CNTNAP2: variants seen among roughly 807,000 people sequenced by gnomAD.
CNTNAP2 encodes contactin associated protein 2, also known as contactin-associated protein-like 2.
In CNTNAP2, 98 loss-of-function variants were observed where a neutral mutation model predicts 155.2. That is an observed-to-expected ratio of 0.63 (90% CI 0.54 to 0.75). CNTNAP2 has a LOEUF of 0.75. CNTNAP2 is among the 30% of genes least tolerant of loss of function. The pLI, the probability that CNTNAP2 is intolerant of heterozygous loss-of-function variation, is 0.00. For synonymous variants in CNTNAP2, 651 were observed against 631.2 expected (o/e 1.03, Z -0.47); for missense variants, 1,727 against 1,688.1 (o/e 1.02, Z -0.40).
chr7:148,256,805 G>A (rs1268391100), intron 20 of CNTNAP2, among the ~76,000 whole-genome samples: 2 of 152,138 alleles, frequency 1.3e-5, no homozygotes, highest in Non-Finnish European at 2.9e-5. Context: ...CGTAGGCTTA[G>A]GTAAAGGGGG....
Position 147,263,678 on chromosome 7 carries a change from C to G in CNTNAP2, c.1349-36463C>G, listed in dbSNP as rs559532002. Among the ~76,000 whole-genome samples, 22 of 152,268 alleles carry G rather than the reference C, an allele frequency of 1.4e-4. No individual in the cohort carries two copies. In the South Asian group the frequency reaches 3.9e-3, roughly 27 times the overall value. On this transcript the variant is annotated intron_variant, in intron 8 of 23. Transcript: ENST00000361727. Reference sequence around the variant, plus strand: ...TTTTATCTCTTACATACTGTGTTCTCTACCCGGAAGGAGTGAAGCAGACTG... The same window carrying G: ...TTTTATCTCTTACATACTGTGTTCTGTACCCGGAAGGAGTGAAGCAGACTG...
chr7:146,341,765 G>A (rs1178848393), intron 1 of CNTNAP2, among the ~76,000 whole-genome samples: 1 of 151,998 alleles, frequency 6.6e-6, no homozygotes, highest in Non-Finnish European at 1.5e-5. Flanking sequence ...ACAAAGACAG[G>A]TTGAAATGTT....
At chr7:147,894,957 CTTTCTTTCTTTTTTTTTTT>C (rs1179928518) in intron 13 of CNTNAP2, among the ~76,000 whole-genome samples, 1 of 62,860 alleles carries the variant, frequency 1.6e-5, no homozygotes, top group African/African-American at 8.8e-5. Flanking sequence ...TTCTTTCTTT[CTTTCTTTCTTTTTTTTTTT>C]TTTTTTTTTT....
intron 8 of CNTNAP2, among the ~76,000 whole-genome samples, chr7:147,197,020 C>G (rs1281793371): frequency 6.6e-6 from 1 of 152,144 alleles, no homozygotes; most frequent in Non-Finnish European, 1.5e-5. Flanking sequence ...ACTTTCCACA[C>G]CTAAGTAACA....
At chr7:147,505,635 C>T (rs560071459) in intron 11 of CNTNAP2, among the ~76,000 whole-genome samples, 1 of 152,264 alleles carries the variant, frequency 6.6e-6, no homozygotes, top group East Asian at 1.9e-4. Flanking sequence ...TATCTGTTTT[C>T]TTAATTTTGC....
chr7:146,248,870 C>G (rs1799709822), intron 1 of CNTNAP2, among the ~76,000 whole-genome samples: 1 of 152,054 alleles, frequency 6.6e-6, no homozygotes, highest in Admixed American at 6.6e-5. Context: ...GCAATAAAAG[C>G]TTTTAATCAC....
At chr7:148,023,189 G>A (rs555047412) in intron 15 of CNTNAP2, among the ~76,000 whole-genome samples, 14 of 151,662 alleles carry the variant, frequency 9.2e-5, no homozygotes, top group Admixed American at 7.9e-4. Context: ...CTACCCAAAA[G>A]CAAAAAGGGG....
Position 148,118,220 on chromosome 7 carries a change from C to G in CNTNAP2, c.2486C>G (p.Thr829Arg). 2 of 1,614,182 alleles carry G rather than the reference C, an allele frequency of 1.2e-6. No homozygotes were observed. Among genetic ancestry groups the G allele is most frequent in the Non-Finnish European group, 1.7e-6 (2 of 1,180,018 alleles). Reference protein sequence around the residue: ...TSADISFYFKTLTPWGVFLEN... With the variant: ...TSADISFYFKRLTPWGVFLEN... ...GCTGACATTTCTTTCTACTTCAAAA[C>G]ATTAACCCCCTGGGGAGTGTTTCTT... is the stretch of plus-strand genomic sequence containing the variant. Residue 829 changes from threonine (T) to arginine (R), a missense_variant, in exon 16 of 24, where the codon ACA becomes AGA. By Grantham distance (71) the Thr-to-Arg change is moderately conservative. Coordinates refer to ENST00000361727, the MANE Select transcript of CNTNAP2 (RefSeq NM_014141.6).
At chr7:147,627,818 G>A (rs1022426937) in intron 12 of CNTNAP2, among the ~76,000 whole-genome samples, 2 of 151,296 alleles carry the variant, frequency 1.3e-5, no homozygotes, top group Admixed American at 6.6e-5. Flanking sequence ...ACACACTTAC[G>A]GAAATACAAA....
chr7:147,934,941 C>A (rs1401696874), intron 14 of CNTNAP2, among the ~76,000 whole-genome samples: 1 of 152,086 alleles, frequency 6.6e-6, no homozygotes, highest in Non-Finnish European at 1.5e-5. Context: ...CCCTCTTGTG[C>A]TACGTTTAAA....
chr7:146,142,909 A>T (rs1214551163), intron 1 of CNTNAP2, among the ~76,000 whole-genome samples: 1 of 152,252 alleles, frequency 6.6e-6, no homozygotes, highest in Non-Finnish European at 1.5e-5. Context: ...TTTAAAAAGA[A>T]GTCCAATGTC....
chr7:146,144,583 A>T (rs922387485), intron 1 of CNTNAP2, among the ~76,000 whole-genome samples: 1 of 152,192 alleles, frequency 6.6e-6, no homozygotes, highest in Non-Finnish European at 1.5e-5. Context: ...ACTCTAGCTT[A>T]CTTTGCTATT....
Position 146,818,804 on chromosome 7 carries a change from A to G in CNTNAP2, c.209-20907A>G, listed in dbSNP as rs190931183. Among the ~76,000 whole-genome samples, 305 of 152,298 alleles carry G rather than the reference A, an allele frequency of 2.0e-3. 3 individuals carry two copies. The highest frequency in any genetic ancestry group is 6.8e-3 in the Middle Eastern group (2 of 294). On this transcript the variant is annotated intron_variant, in intron 2 of 23. Transcript: ENST00000361727. ...TTAAAAAGCTCACAAATTGGATAAG[A>G]AAAACGATATCACAAAAGCTAAAAA...
intron 13 of CNTNAP2, among the ~76,000 whole-genome samples, chr7:147,900,224 G>A (rs1799845189): frequency 1.3e-5 from 2 of 152,230 alleles, no homozygotes; most frequent in Middle Eastern, 3.4e-3. Flanking sequence ...CGGTTTGGCT[G>A]TGTCCCCACC....
chr7:147,982,538 A>C (rs1432196131), intron 15 of CNTNAP2, among the ~76,000 whole-genome samples: 1 of 152,216 alleles, frequency 6.6e-6, no homozygotes, highest in African/African-American at 2.4e-5. Flanking sequence ...CTAGTTCTGG[A>C]ACACTCAGAG....
chr7:147,495,378 C>T lies in CNTNAP2; in HGVS notation c.1777+9337C>T, dbSNP rs146661798. Among the ~76,000 whole-genome samples, 905 of 152,196 alleles carry T rather than the reference C, an allele frequency of 5.9e-3. 5 individuals are homozygous for T. Among genetic ancestry groups the T allele is most frequent in the Non-Finnish European group, 6.7e-3 (456 of 68,016 alleles). On this transcript the variant is annotated intron_variant, in intron 11 of 23. Transcript: ENST00000361727. ...TAAACCTTGGTAGCTTGAACCAGAC[C>T]ACAGTGGAAGAATTTATGCTAGGGA...
rs1203116554 is a variant in CNTNAP2 at position 148,417,411 on chromosome 7, A to G, written c.*1795A>G. The G allele has an allele frequency of 6.5e-6, 1 of 152,684 alleles. No individual in the cohort carries two copies. The highest frequency in any genetic ancestry group is 1.5e-5 in the Non-Finnish European group (1 of 68,046). 9.5% of individuals were successfully genotyped at this position (152,684 alleles called of 1,614,324 possible). A position where few individuals can be genotyped will look rare whatever the true frequency, so the allele number is the denominator to read the frequency against. On this transcript the variant is annotated 3_prime_UTR_variant, in exon 24 of 24. Transcript: ENST00000361727. ...GTTAATTCCCATACAAGTCAAGGTAACAGAACAAAAGGGAATCCTGATGCC... is the reference window on the plus strand; with the variant it reads ...GTTAATTCCCATACAAGTCAAGGTAGCAGAACAAAAGGGAATCCTGATGCC...
At chr7:148,281,552 C>T (rs574400704) in intron 21 of CNTNAP2, among the ~76,000 whole-genome samples, 6 of 152,242 alleles carry the variant, frequency 3.9e-5, no homozygotes, top group African/African-American at 4.8e-5. Context: ...GAACATATAG[C>T]GTAGTCTTAA....
chr7:148,179,727 G>C (rs968619482), intron 18 of CNTNAP2, among the ~76,000 whole-genome samples: 2 of 150,180 alleles, frequency 1.3e-5, no homozygotes, highest in African/African-American at 4.9e-5. Flanking sequence ...AGAGAAAGAA[G>C]GAGGAGGAGA....
Sources: gnomAD v4.1 joint callset for allele counts (sites outside exome capture counted in the v4.1 genomes callset) on GRCh38, gnomAD v4.1.1 for gene constraint, MANE v1.5 for transcripts, NCBI Gene and HGNC (gene_info 2026-07-23, HGNC 2026-07-21) for gene names.